TSGA10IP: variants seen among roughly 807,000 people sequenced by gnomAD.
TSGA10IP encodes the protein testis-specific protein 10-interacting protein.
A neutral mutation model predicts 63.2 loss-of-function variants in TSGA10IP; 64 were observed. The ratio of observed to expected loss-of-function variants is 1.01; its 90% confidence interval spans 0.83 to 1.25. The LOEUF (loss-of-function observed/expected upper bound fraction) is 1.25. Ranked by LOEUF, TSGA10IP falls within the 50% of genes most tolerant of loss-of-function variation. The pLI is 0.00. For missense variants in TSGA10IP, 681 were observed against 710.1 expected, an observed-to-expected ratio of 0.96 and a Z score of 0.47; for synonymous variants, 316 against 298.3, an observed-to-expected ratio of 1.06 and a Z score of -0.61.
chr11:65,947,483 C>A, exon 3 of TSGA10IP: 1 of 1,613,340 alleles, frequency 6.2e-7, no homozygotes, highest in Non-Finnish European at 8.5e-7. Flanking sequence ...GCTGCAAAGC[C>A]TGGGTGCTGA....
intron 4 of TSGA10IP, among the ~76,000 whole-genome samples, chr11:65,953,100 G>A (rs145835180): frequency 1.1e-3 from 164 of 145,986 alleles, no homozygotes; most frequent in African/African-American, 3.7e-3. Flanking sequence ...GCGTGGTCTC[G>A]GCTCACTACA....
At chr11:65,955,487 A>G (rs900887229) in intron 5 of TSGA10IP, among the ~76,000 whole-genome samples, 2 of 151,984 alleles carry the variant, frequency 1.3e-5, no homozygotes, top group East Asian at 3.9e-4. Context: ...GTGGCGCGCG[A>G]CTGTAGTCCC....
Position 65,945,913 on chromosome 11 carries a change from G to C in TSGA10IP, c.147+91G>C, listed in dbSNP as rs1047113572. The C allele has an allele frequency of 1.1e-5, 16 of 1,466,014 alleles. No homozygotes were observed. The East Asian group carries it at 3.4e-4, about 31-fold the overall frequency. 90.8% of individuals were successfully genotyped at this position (1,466,014 alleles called of 1,614,324 possible). A position where few individuals can be genotyped will look rare whatever the true frequency, so the allele number is the denominator to read the frequency against. ...TGGGGAGGCCCTTGAGAAGCCACAA[G>C]ACCTGAGCTGAGGTCCAGATGAAAC... On this transcript the variant is annotated intron_variant, in intron 1 of 7. Coordinates refer to ENST00000532620, the Ensembl canonical transcript of TSGA10IP.
intron 4 of TSGA10IP, 139 bp downstream of exon 4, chr11:65,948,287 T>C: frequency 1.3e-6 from 1 of 773,570 alleles, no homozygotes; most frequent in Non-Finnish European, 2.0e-6. Context: ...CATCCATCCA[T>C]CCATCCATCC....
At chr11:65,946,951 A>G in exon 2 of TSGA10IP, 2 of 1,614,002 alleles carry the variant, frequency 1.2e-6, no homozygotes, top group Non-Finnish European at 1.7e-6. Flanking sequence ...CAAGGCAGAC[A>G]GCAAAGAAGG....
At chr11:65,958,740 G>A in intron 5 of TSGA10IP, 143 bp from the exon 6 acceptor site, 1 of 693,252 alleles carries the variant, frequency 1.4e-6, no homozygotes, top group South Asian at 2.0e-5. Context: ...AAGGAATCCA[G>A]GCAAGAATGG....
chr11:65,950,866 G>A (rs1854931289), intron 4 of TSGA10IP, among the ~76,000 whole-genome samples: 1 of 152,058 alleles, frequency 6.6e-6, no homozygotes, highest in African/African-American at 2.4e-5. Context: ...CTGGCTGCTG[G>A]CTAATTTTTA....
exon 6 of TSGA10IP, chr11:65,958,962 C>T (rs754255935): frequency 6.2e-7 from 1 of 1,613,262 alleles, no homozygotes; most frequent in South Asian, 1.1e-5. Context: ...CCGGCCCTTC[C>T]TGTTCCAGCA....
chr11:65,948,091 CT>C lies in TSGA10IP; in HGVS notation c.1097del (p.Phe366SerfsTer75), dbSNP rs752306834. On this transcript the variant is annotated frameshift_variant, in exon 4 of 8. Transcript: ENST00000532620. LOFTEE classifies it high-confidence loss of function. Reference sequence around the variant, plus strand: ...GCCTATGCCTCGGGATACGATGAAACTTTCGTGTCTGCCAACCTCCCTAATC... The same window carrying C: ...GCCTATGCCTCGGGATACGATGAAACTTCGTGTCTGCCAACCTCCCTAATC... 1 of 1,596,418 alleles carries C rather than the reference CT, an allele frequency of 6.3e-7. No homozygotes were observed. Among genetic ancestry groups the C allele is most frequent in the Admixed American group, 1.8e-5 (1 of 57,060 alleles).
Position 65,959,215 on chromosome 11 carries a change from G to A in TSGA10IP, c.1448G>A (p.Arg483Gln), listed in dbSNP as rs377217355. 14 of 1,606,226 alleles carry A rather than the reference G, an allele frequency of 8.7e-6. No homozygotes were observed. Among genetic ancestry groups the A allele is most frequent in the East Asian group, 4.5e-5 (2 of 44,680 alleles). Residue 483 changes from arginine to glutamine, a missense_variant, in exon 7 of 8, where the codon CGG (arginine) becomes CAG (glutamine). By Grantham distance (43) the Arg-to-Gln change is conservative (BLOSUM62 1). Coordinates refer to ENST00000532620, the Ensembl canonical transcript of TSGA10IP. ...GCCAATGCCCGGCTCACCGTCACTC[G>A]GCGCTTCTCCCAGGTGCTGTCAGCA...
At chr11:65,958,920 G>A in exon 6 of TSGA10IP, 2 of 1,613,212 alleles carry the variant, frequency 1.2e-6, no homozygotes, top group Non-Finnish European at 1.7e-6. Context: ...GTACCAGGCG[G>A]AGCTGCAAGG....
At chr11:65,959,077 G>A in intron 6 of TSGA10IP, 95 bp downstream of exon 6, 2 of 1,564,752 alleles carry the variant, frequency 1.3e-6, no homozygotes, top group Non-Finnish European at 1.7e-6. Context: ...CCTGCAGATA[G>A]GATCCCAGGG....
At chr11:65,954,226 C>T (rs1225699131) in intron 5 of TSGA10IP, among the ~76,000 whole-genome samples, 7 of 150,194 alleles carry the variant, frequency 4.7e-5, no homozygotes, top group Non-Finnish European at 7.4e-5. Context: ...AGTGCAGTGG[C>T]GCGATCTCGG....
chr11:65,947,435 A>G, exon 3 of TSGA10IP: 1 of 1,613,102 alleles, frequency 6.2e-7, no homozygotes, highest in African/African-American at 1.3e-5. Flanking sequence ...GCCTGGGAGG[A>G]GGCCAGGATC....
chr11:65,959,322 T>C lies in TSGA10IP; in HGVS notation c.1547+8T>C, dbSNP rs777183851. ...CACCCCCAGGAAACCCAGGTGAGTCTCCCCGTCAGGTCAAGAACTGACTCT... is the reference window on the plus strand; with the variant it reads ...CACCCCCAGGAAACCCAGGTGAGTCCCCCCGTCAGGTCAAGAACTGACTCT... On this transcript the variant is annotated splice_region_variant and intron_variant, in intron 7 of 7. Coordinates refer to ENST00000532620, the Ensembl canonical transcript of TSGA10IP. The C allele has an allele frequency of 6.2e-7, 1 of 1,610,408 alleles. No homozygotes were observed. The highest frequency in any genetic ancestry group is 1.1e-5 in the South Asian group (1 of 90,658).
At chr11:65,950,762 C>T (rs1299283054) in intron 4 of TSGA10IP, among the ~76,000 whole-genome samples, 1 of 152,096 alleles carries the variant, frequency 6.6e-6, no homozygotes, top group African/African-American at 2.4e-5. Flanking sequence ...TGGGGTTTCA[C>T]TGTGTTAGCC....
At chr11:65,957,429 T>C (rs552023703) in intron 5 of TSGA10IP, among the ~76,000 whole-genome samples, 16 of 152,214 alleles carry the variant, frequency 1.1e-4, no homozygotes, top group African/African-American at 3.9e-4. Context: ...CTAACAGAAA[T>C]AGCATAAAGT....
chr11:65,947,618 T>A, exon 3 of TSGA10IP: 6 of 1,613,586 alleles, frequency 3.7e-6, no homozygotes, highest in Non-Finnish European at 5.1e-6. Flanking sequence ...CAGGACTCCC[T>A]GCAGAAGGAG....
At chr11:65,952,453 G>A (rs1854958496) in intron 4 of TSGA10IP, among the ~76,000 whole-genome samples, 1 of 151,770 alleles carries the variant, frequency 6.6e-6, no homozygotes, top group African/African-American at 2.4e-5. Context: ...GTGTGTGTAT[G>A]TGTCTGTGTG....
Sources: allele counts gnomAD v4.1 joint callset (sites outside exome capture counted in the v4.1 genomes callset), GRCh38; gene constraint gnomAD v4.1.1; transcripts MANE v1.5; gene names NCBI Gene and HGNC (gene_info 2026-07-23, HGNC 2026-07-21).